Variants in RAB6B observed in about 807,000 individuals in gnomAD.
RAB6B encodes ras-related protein Rab-6B.
In RAB6B, 7 loss-of-function variants were observed where a neutral mutation model predicts 31.2. That is an observed-to-expected ratio of 0.22 (90% CI 0.13 to 0.42). The LOEUF (loss-of-function observed/expected upper bound fraction) is 0.42. Among genes scored for constraint, RAB6B ranks in the 10% least tolerant of loss-of-function variants. The pLI is 1.00. For missense variants in RAB6B, 149 were observed against 280.6 expected (o/e 0.53, Z 3.35); for synonymous variants, 105 against 104.9 (o/e 1.00, Z -0.01).
chr3:133,852,626 A>G (rs537686184), intron 2 of RAB6B, among the ~76,000 whole-genome samples: 2 of 151,890 alleles, frequency 1.3e-5, no homozygotes, highest in Non-Finnish European at 2.9e-5. Context: ...GTGTGCCACC[A>G]CGCCCAGCTA....
chr3:133,837,585 T>C (rs760423624), intron 6 of RAB6B, among the ~76,000 whole-genome samples: 26 of 152,092 alleles, frequency 1.7e-4, no homozygotes, highest in Non-Finnish European at 2.6e-4. Context: ...AAAGGTGCAA[T>C]GTTTTCCAGC....
chr3:133,872,408 T>C (rs1576406180), intron 1 of RAB6B, among the ~76,000 whole-genome samples: 1 of 152,372 alleles, frequency 6.6e-6, no homozygotes, highest in South Asian at 2.1e-4. Flanking sequence ...GCACCATCCC[T>C]GTAACCTCTG....
intron 6 of RAB6B, among the ~76,000 whole-genome samples, chr3:133,835,738 C>T (rs1272229670): frequency 6.6e-6 from 1 of 152,048 alleles, no homozygotes; most frequent in Non-Finnish European, 1.5e-5. Flanking sequence ...GTAGAGTCCT[C>T]ATGAACGGGA....
Position 133,839,489 on chromosome 3 carries a change from T to G in RAB6B, c.401+17A>C, listed in dbSNP as rs1250319439. On this transcript the variant is annotated intron_variant, in intron 5 of 7. Coordinates refer to ENST00000285208, the MANE Select transcript of RAB6B (RefSeq NM_016577.4). Reference sequence around the variant, plus strand: ...AGTGGAGGGTGGCACCCTGCACCTGTGTGCCCTTGCACCTACCTCTTATCA... The same window carrying G: ...AGTGGAGGGTGGCACCCTGCACCTGGGTGCCCTTGCACCTACCTCTTATCA... The G allele has an allele frequency of 1.3e-6, 2 of 1,585,996 alleles. No individual in the cohort carries two copies. Among genetic ancestry groups the G allele is most frequent in the Non-Finnish European group, 1.7e-6 (2 of 1,154,280 alleles).
intron 2 of RAB6B, among the ~76,000 whole-genome samples, chr3:133,843,349 G>A (rs1055403009): frequency 2.6e-5 from 4 of 152,180 alleles, no homozygotes; most frequent in African/African-American, 7.2e-5. Flanking sequence ...CCACAGCTTC[G>A]CATAGTGTAG....
rs1249034822 is a variant in RAB6B at position 133,824,765 on chromosome 3, C to T, written c.*4023G>A. 2 of 152,158 alleles carry T rather than the reference C, an allele frequency of 1.3e-5. No homozygotes were observed. Among genetic ancestry groups the T allele is most frequent in the African/African-American group, 4.8e-5 (2 of 41,414 alleles). The allele number at this position is 152,158 out of a possible 1,614,324, so 9.4% of individuals were successfully genotyped here. On this transcript the variant is annotated 3_prime_UTR_variant, in exon 8 of 8. Coordinates refer to ENST00000285208, the MANE Select transcript of RAB6B (RefSeq NM_016577.4). ...TTCTCACTCATATGCTGGGAAGAAC[C>T]TAGTGTCCTAACCAAAAAGAGTAGA...
At chr3:133,864,460 T>C (rs1047654642) in intron 2 of RAB6B, 124 bp downstream of exon 2, 10 of 937,200 alleles carry the variant, frequency 1.1e-5, no homozygotes, top group African/African-American at 9.7e-5. Context: ...GGTGGGAAGC[T>C]CCTCCATAGC....
chr3:133,837,800 A>G (rs1369413469), intron 6 of RAB6B, among the ~76,000 whole-genome samples: 1 of 152,088 alleles, frequency 6.6e-6, no homozygotes, highest in African/African-American at 2.4e-5. Flanking sequence ...ATCAGATTGA[A>G]TTTTCCTGCA....
At chr3:133,829,225 T>C (rs1165404772) in intron 7 of RAB6B, among the ~76,000 whole-genome samples, 1 of 152,144 alleles carries the variant, frequency 6.6e-6, no homozygotes, top group African/African-American at 2.4e-5. Flanking sequence ...GCAATGGAGA[T>C]GAAGAGCCTG....
Position 133,827,748 on chromosome 3 carries a change from C to CG in RAB6B, c.*1039_*1040insC. ...AAGGTGGTGGTTCTGCAGACAACAC[C>CG]CCCCCCCCCCCCCGCCTCCCCATCA... On this transcript the variant is annotated 3_prime_UTR_variant, in exon 8 of 8. Transcript: ENST00000285208. The CG allele has an allele frequency of 6.3e-5, 1 of 15,982 alleles. No individual in the cohort carries two copies. 1.0% of individuals were successfully genotyped at this position (15,982 alleles called of 1,614,324 possible).
intron 1 of RAB6B, 130 bp downstream of exon 1, chr3:133,895,267 C>A: frequency 1.1e-5 from 7 of 644,912 alleles, no homozygotes; most frequent in East Asian, 5.5e-5. Flanking sequence ...ACCTCCCCAT[C>A]CCTGTCCCTC....
At chr3:133,835,930 G>A (rs1353346249) in intron 6 of RAB6B, among the ~76,000 whole-genome samples, 1 of 152,160 alleles carries the variant, frequency 6.6e-6, no homozygotes, top group Non-Finnish European at 1.5e-5. Flanking sequence ...CTGTTTATAT[G>A]CTACCCTGCC....
intron 1 of RAB6B, among the ~76,000 whole-genome samples, chr3:133,871,506 C>A (rs1936323435): frequency 6.6e-6 from 1 of 152,244 alleles, no homozygotes; most frequent in African/African-American, 2.4e-5. Flanking sequence ...GACGCCAAAT[C>A]CACCCACAGC....
At chr3:133,841,888 T>C (rs1386175824) in intron 2 of RAB6B, among the ~76,000 whole-genome samples, 3 of 152,282 alleles carry the variant, frequency 2.0e-5, no homozygotes, top group Admixed American at 1.3e-4. Flanking sequence ...GGGTGAGATC[T>C]TCTCTGGAGA....
intron 1 of RAB6B, among the ~76,000 whole-genome samples, chr3:133,885,896 A>G (rs909072286): frequency 6.6e-6 from 1 of 152,160 alleles, no homozygotes; most frequent in Non-Finnish European, 1.5e-5. Flanking sequence ...CCATCCTCGG[A>G]ACGTTTCTGT....
chr3:133,893,109 C>T (rs1936659147), intron 1 of RAB6B, among the ~76,000 whole-genome samples: 1 of 152,210 alleles, frequency 6.6e-6, no homozygotes, highest in Non-Finnish European at 1.5e-5. Flanking sequence ...TCCAAGGGCT[C>T]ACAACCCTGC....
Position 133,827,783 on chromosome 3 carries a change from A to C in RAB6B, c.*1005T>G. The C allele has an allele frequency of 5.9e-6, 1 of 168,664 alleles. No individual in the cohort carries two copies. The highest frequency in any genetic ancestry group is 5.7e-5 in the South Asian group (1 of 17,410). The allele number at this position is 168,664 out of a possible 1,614,324, so 10.4% of individuals were successfully genotyped here. On this transcript the variant is annotated 3_prime_UTR_variant, in exon 8 of 8. Transcript: ENST00000285208. ...CCCCGCCTCCCCATCACAGAGGATC[A>C]ACTCCAGGTGGTCCAGCTTCCCTGA... is the stretch of plus-strand genomic sequence containing the variant.
Position 133,868,719 on chromosome 3 carries a change from T to C in RAB6B, c.71-4077A>G, listed in dbSNP as rs536923028. 9.8e-4 allele frequency among the ~76,000 whole-genome samples: 150 copies of C among 152,342 alleles called. 1 individual carries two copies. Among genetic ancestry groups the C allele is most frequent in the Non-Finnish European group, 1.5e-3 (105 of 68,024 alleles). On this transcript the variant is annotated intron_variant, in intron 1 of 7. Transcript: ENST00000285208. The stretch of plus-strand genomic sequence containing the variant: ...ATTAAGCAAGGAGATGCATTTCTCC[T>C]TTTTCAACCAAATGAGGGTGAGAAA...
intron 7 of RAB6B, among the ~76,000 whole-genome samples, chr3:133,829,847 G>A (rs1260020410): frequency 1.3e-5 from 2 of 152,094 alleles, no homozygotes; most frequent in Non-Finnish European, 2.9e-5. Context: ...ACAACCATGC[G>A]GCCATGGCAT....
Sources: allele counts gnomAD v4.1 joint callset (sites outside exome capture counted in the v4.1 genomes callset), GRCh38; gene constraint gnomAD v4.1.1; transcripts MANE v1.5; gene names NCBI Gene and HGNC (gene_info 2026-07-23, HGNC 2026-07-21).